The following PCDHA10 variants were observed in gnomAD, a reference collection of about 807,000 sequenced individuals.
PCDHA10 encodes protocadherin alpha 10.
Under a neutral mutation model 61.2 loss-of-function variants are expected in PCDHA10, and 45 were observed. The observed-to-expected ratio is 0.74, with a 90% CI of 0.58 to 0.94. The LOEUF (loss-of-function observed/expected upper bound fraction) is 0.94, where lower values mean the gene tolerates loss of function less well. PCDHA10 is among the 40% of genes least tolerant of loss of function. The pLI is 0.00. For synonymous variants in PCDHA10, 602 were observed against 548.8 expected (o/e 1.10, Z -1.35); for missense variants, 1,278 against 1,236.2 (o/e 1.03, Z -0.51).
intron 1 of PCDHA10, among the ~76,000 whole-genome samples, chr5:140,916,329 T>C (rs1554197398): frequency 6.6e-6 from 1 of 152,178 alleles, no homozygotes; most frequent in African/African-American, 2.4e-5. Context: ...TCCCCTTTAC[T>C]TTTTCCTCTG....
At chr5:140,968,378 G>A (rs782689152) in intron 1 of PCDHA10, 15 of 1,614,040 alleles carry the variant, frequency 9.3e-6, no homozygotes, top group Non-Finnish European at 1.3e-5. Context: ...CAACTCCTTT[G>A]ACTATGAGAA....
rs2044320012 is a variant in PCDHA10, at chr5:140,857,011, T to C, written c.963T>C (p.Val321=). Residue 321 remains valine (V), a synonymous_variant, in exon 1 of 4, where the codon GTT becomes GTC. Transcript: ENST00000307360. ...ACACTTATGAAATTCATGTAGATGT[T>C]ACAGATAAGGGAAACCCACCTATGG... is the stretch of plus-strand genomic sequence containing the variant. The part of the protein sequence containing the change: ...DSNTYEIHVD[V]TDKGNPPMVG... 1.3e-6 allele frequency: 2 copies of C among 1,596,036 alleles called. No individual in the cohort carries two copies. The highest frequency in any genetic ancestry group is 1.7e-5 in the Admixed American group (1 of 59,246).
At chr5:140,984,945 C>CA (rs1307962082) in intron 3 of PCDHA10, among the ~76,000 whole-genome samples, 2 of 149,212 alleles carry the variant, frequency 1.3e-5, no homozygotes, top group African/African-American at 4.9e-5. Flanking sequence ...AATGTCTAAT[C>CA]TTTTTTTTTT....
At chr5:140,869,628 T>TGAGTATTTTTCTTTA in intron 1 of PCDHA10, 1 of 1,613,700 alleles carries the variant, frequency 6.2e-7, no homozygotes, top group Non-Finnish European at 8.5e-7. Flanking sequence ...TAAGTAAAAA[T>TGAGTATTTTTCTTTA]GAGTATTTTT....
intron 1 of PCDHA10, chr5:140,869,512 G>A (rs782635875): frequency 1.9e-6 from 3 of 1,614,072 alleles, no homozygotes; most frequent in Admixed American, 3.3e-5. Flanking sequence ...CTCGCTCAGA[G>A]AACAAAAGCT....
At chr5:140,923,299 G>A (rs921157994) in intron 1 of PCDHA10, among the ~76,000 whole-genome samples, 17 of 152,330 alleles carry the variant, frequency 1.1e-4, no homozygotes, top group Middle Eastern at 3.4e-3. Context: ...TTAGCTGGGC[G>A]TGGGGGCGCT....
intron 1 of PCDHA10, among the ~76,000 whole-genome samples, chr5:140,948,548 A>G (rs1300192349): frequency 6.6e-6 from 1 of 151,532 alleles, no homozygotes; most frequent in Non-Finnish European, 1.5e-5. Flanking sequence ...TGCTCTGTCA[A>G]TTTTGTTAAG....
At chr5:140,932,192 T>C (rs1359260162) in intron 1 of PCDHA10, among the ~76,000 whole-genome samples, 4 of 151,968 alleles carry the variant, frequency 2.6e-5, no homozygotes, top group African/African-American at 9.6e-5. Context: ...GTCCATTTTT[T>C]TCTGTTAATA....
At chr5:140,996,129 G>A (rs190965499) in intron 3 of PCDHA10, among the ~76,000 whole-genome samples, 1 of 152,210 alleles carries the variant, frequency 6.6e-6, no homozygotes, top group Non-Finnish European at 1.5e-5. Flanking sequence ...TGGTGTAGAG[G>A]GTTCTCCCAT....
chr5:140,964,939 T>C (rs1230992301), intron 1 of PCDHA10, among the ~76,000 whole-genome samples: 1 of 152,182 alleles, frequency 6.6e-6, no homozygotes, highest in Non-Finnish European at 1.5e-5. Flanking sequence ...GGAGCATTGA[T>C]AGTGAGTGTG....
At chr5:140,909,186 A>G (rs552786721) in intron 1 of PCDHA10, among the ~76,000 whole-genome samples, 1 of 152,336 alleles carries the variant, frequency 6.6e-6, no homozygotes, top group Admixed American at 6.5e-5. Context: ...TCCAAACAAG[A>G]TTATGACACA....
intron 1 of PCDHA10, among the ~76,000 whole-genome samples, chr5:140,921,987 G>T (rs1414139435): frequency 6.6e-6 from 1 of 151,868 alleles, no homozygotes; most frequent in Non-Finnish European, 1.5e-5. Context: ...AACTAAAAAA[G>T]AGTTCAATGA....
At chr5:140,962,817 G>C (rs555403742) in intron 1 of PCDHA10, among the ~76,000 whole-genome samples, 1 of 152,202 alleles carries the variant, frequency 6.6e-6, no homozygotes, top group Non-Finnish European at 1.5e-5. Flanking sequence ...CATCAGAGAT[G>C]ACCATTTGTC....
chr5:140,954,025 C>T (rs533473552), intron 1 of PCDHA10, among the ~76,000 whole-genome samples: 385 of 152,188 alleles, frequency 2.5e-3, no homozygotes, highest in Middle Eastern at 0.014. Context: ...CATAGTGGGA[C>T]GATGTGGTAT....
chr5:140,869,809 A>G, intron 1 of PCDHA10: 15 of 1,612,564 alleles, frequency 9.3e-6, no homozygotes, highest in Non-Finnish European at 1.3e-5. Flanking sequence ...CTTGGATGTC[A>G]ACGACAATGA....
intron 1 of PCDHA10, among the ~76,000 whole-genome samples, chr5:140,930,792 A>G (rs782797665): frequency 4.9e-4 from 74 of 152,228 alleles, no homozygotes; most frequent in Admixed American, 1.4e-3. Flanking sequence ...AATATAATAG[A>G]ATCCAGCATA....
At chr5:140,967,881 G>A (rs2096193873) in intron 1 of PCDHA10, 2 of 1,614,034 alleles carry the variant, frequency 1.2e-6, no homozygotes, top group Non-Finnish European at 1.7e-6. Context: ...GACCTGTATA[G>A]CCCAGTGCCT....
At chr5:140,870,069 A>G (rs376226695) in intron 1 of PCDHA10, 43 of 1,613,780 alleles carry the variant, frequency 2.7e-5, no homozygotes, top group Non-Finnish European at 3.4e-5. Flanking sequence ...TACAGGCTAC[A>G]GATAAGGGGA....
chr5:140,879,805 A>G (rs992856039), intron 1 of PCDHA10, among the ~76,000 whole-genome samples: 1 of 152,128 alleles, frequency 6.6e-6, no homozygotes, highest in Non-Finnish European at 1.5e-5. Flanking sequence ...TCCAGTTTCT[A>G]TTGGCTGTTG....
Sources: allele counts gnomAD v4.1 joint callset (sites outside exome capture counted in the v4.1 genomes callset), GRCh38; gene constraint gnomAD v4.1.1; transcripts MANE v1.5; gene names NCBI Gene and HGNC (gene_info 2026-07-23, HGNC 2026-07-21).